The following REDIC1 variants were observed in gnomAD, a reference collection of about 807,000 sequenced individuals.
REDIC1 encodes regulator of DNA class I crossover intermediates 1.
the REDIC1 span, among the ~76,000 whole-genome samples, chr12:39,719,990 A>G: frequency 6.6e-6 from 1 of 151,954 alleles, no homozygotes; most frequent in East Asian, 1.9e-4. Flanking sequence ...TTTTATATTA[A>G]CTTTGTATTT....
At chr12:39,712,687 A>ATG in the REDIC1 span, among the ~76,000 whole-genome samples, 65 of 141,622 alleles carry the variant, frequency 4.6e-4, no homozygotes, top group Non-Finnish European at 7.6e-4. Flanking sequence ...ATATGTATAT[A>ATG]TACGTATACG....
At chr12:39,887,928 T>C in the REDIC1 span, among the ~76,000 whole-genome samples, 1 of 152,224 alleles carries the variant, frequency 6.6e-6, no homozygotes, top group African/African-American at 2.4e-5. Flanking sequence ...ATCCTTTTCC[T>C]TCTAATTTCA....
At chr12:39,899,661 A>G in the REDIC1 span, among the ~76,000 whole-genome samples, 1 of 151,906 alleles carries the variant, frequency 6.6e-6, no homozygotes, top group Admixed American at 6.6e-5. Context: ...AATGTGTCCC[A>G]GAGATTCTGG....
At chr12:39,819,212 G>A in the REDIC1 span, among the ~76,000 whole-genome samples, 3 of 152,004 alleles carry the variant, frequency 2.0e-5, no homozygotes, top group African/African-American at 7.2e-5. Flanking sequence ...GAACAATAAG[G>A]AATATATGAC....
chr12:39,785,265 G>A, the REDIC1 span, among the ~76,000 whole-genome samples: 1 of 152,160 alleles, frequency 6.6e-6, no homozygotes, highest in Non-Finnish European at 1.5e-5. Flanking sequence ...TAGAGACTTG[G>A]TGCCCTGTGT....
the REDIC1 span, among the ~76,000 whole-genome samples, chr12:39,733,752 A>C: frequency 2.0e-5 from 3 of 152,168 alleles, no homozygotes; most frequent in Non-Finnish European, 2.9e-5. Flanking sequence ...CGCCTCTGCC[A>C]CCACCAAGCT....
chr12:39,785,883 A>G, the REDIC1 span, among the ~76,000 whole-genome samples: 3 of 152,154 alleles, frequency 2.0e-5, no homozygotes, highest in Admixed American at 2.0e-4. Context: ...GTTTTGGCCA[A>G]TTTCTCCCAT....
the REDIC1 span, among the ~76,000 whole-genome samples, chr12:39,784,126 T>C: frequency 6.6e-6 from 1 of 152,144 alleles, no homozygotes; most frequent in Non-Finnish European, 1.5e-5. Flanking sequence ...GAAGAATCAA[T>C]ATCGTGAAAA....
chr12:39,879,819 C>T, the REDIC1 span, among the ~76,000 whole-genome samples: 6,943 of 152,070 alleles, frequency 0.046, 214 homozygotes, highest in Middle Eastern at 0.075. Context: ...TATTTTGCAA[C>T]GTGAGAAGGA....
At chr12:39,723,372 C>T in the REDIC1 span, among the ~76,000 whole-genome samples, 3 of 152,058 alleles carry the variant, frequency 2.0e-5, no homozygotes, top group Non-Finnish European at 4.4e-5. Context: ...GGTCTATTCC[C>T]TAACTTCACA....
At chr12:39,690,986 A>G in the REDIC1 span, among the ~76,000 whole-genome samples, 1 of 152,258 alleles carries the variant, frequency 6.6e-6, no homozygotes, top group East Asian at 1.9e-4. Flanking sequence ...TGGGGCTTGA[A>G]TGTGTCATGA....
At chr12:39,653,558 T>TTCTTCTTTC in the REDIC1 span, among the ~76,000 whole-genome samples, 1 of 43,842 alleles carries the variant, frequency 2.3e-5, no homozygotes, top group African/African-American at 6.9e-5. Flanking sequence ...CTTCTTCTTC[T>TTCTTCTTTC]TTCTTCTTCT....
chr12:39,675,314 C>A, the REDIC1 span, among the ~76,000 whole-genome samples: 2 of 152,140 alleles, frequency 1.3e-5, no homozygotes, highest in African/African-American at 2.4e-5. Context: ...TCTGCCCTTA[C>A]CTGATTTTTT....
the REDIC1 span, among the ~76,000 whole-genome samples, chr12:39,821,541 G>A: frequency 3.9e-5 from 6 of 152,274 alleles, no homozygotes; most frequent in African/African-American, 1.2e-4. Context: ...CAAAACCCAA[G>A]CTTAATGCGT....
chr12:39,667,264 G>A, the REDIC1 span, among the ~76,000 whole-genome samples: 2 of 152,136 alleles, frequency 1.3e-5, no homozygotes, highest in African/African-American at 4.8e-5. Flanking sequence ...CTGGTATGTT[G>A]TGTCTTTGTT....
chr12:39,712,110 A>G, the REDIC1 span, among the ~76,000 whole-genome samples: 1 of 141,830 alleles, frequency 7.1e-6, no homozygotes, highest in Non-Finnish European at 1.6e-5. Flanking sequence ...ACCTGTATAT[A>G]TACCTGTATA....
At chr12:39,898,160 A>G in the REDIC1 span, among the ~76,000 whole-genome samples, 2 of 151,994 alleles carry the variant, frequency 1.3e-5, no homozygotes, top group African/African-American at 4.8e-5. Flanking sequence ...TTGTAGAAGT[A>G]TTCCCTTAGG....
At chr12:39,874,969 T>C in the REDIC1 span, among the ~76,000 whole-genome samples, 5 of 152,196 alleles carry the variant, frequency 3.3e-5, no homozygotes, top group African/African-American at 1.2e-4. Context: ...GCCTTGTATC[T>C]CCCTCTGAGC....
chr12:39,822,376 C>A, the REDIC1 span, among the ~76,000 whole-genome samples: 1 of 152,102 alleles, frequency 6.6e-6, no homozygotes, highest in Non-Finnish European at 1.5e-5. Context: ...ATGATTCCCA[C>A]GCCTATGAAA....
Sources: allele counts gnomAD v4.1 joint callset (sites outside exome capture counted in the v4.1 genomes callset), GRCh38; gene constraint gnomAD v4.1.1; transcripts MANE v1.5; gene names NCBI Gene and HGNC (gene_info 2026-07-23, HGNC 2026-07-21).